The following HS6ST2 variants were observed in gnomAD, a reference collection of about 807,000 sequenced individuals.
HS6ST2 encodes the protein heparan sulfate 6-O-sulfotransferase 2, also known as heparan-sulfate 6-O-sulfotransferase 2.
Under a neutral mutation model 33.0 loss-of-function variants are expected in HS6ST2, and 17 were observed. The observed-to-expected ratio is 0.52, with a 90% CI of 0.35 to 0.77. HS6ST2 has a LOEUF of 0.77. HS6ST2 is among the 30% of genes least tolerant of loss of function. The pLI, the probability that HS6ST2 is intolerant of heterozygous loss-of-function variation, is 0.01. For synonymous variants in HS6ST2, 248 were observed against 237.1 expected (o/e 1.05, Z -0.42); for missense variants, 519 against 551.7 (o/e 0.94, Z 0.59).
At chrX:132,905,677 G>T (rs2066466341) in intron 2 of HS6ST2, among the ~76,000 whole-genome samples, 1 of 112,076 alleles carries the variant, frequency 8.9e-6, no homozygotes, top group African/African-American at 3.2e-5. Flanking sequence ...TACCTTGTCA[G>T]CTGAGGTGGG....
At chrX:132,793,491 A>G (rs2065140769) in intron 2 of HS6ST2, among the ~76,000 whole-genome samples, 1 of 111,542 alleles carries the variant, frequency 9.0e-6, no homozygotes, top group Non-Finnish European at 1.9e-5. Context: ...GTTTTCTTCT[A>G]ATGGTTCCCA....
chrX:132,813,592 A>G (rs2065369473), intron 2 of HS6ST2, among the ~76,000 whole-genome samples: 1 of 111,491 alleles, frequency 9.0e-6, no homozygotes, highest in South Asian at 3.8e-4. Flanking sequence ...TCAGTCCATC[A>G]GTTCAACCCA....
At chrX:132,811,059 C>T (rs2065337333) in intron 2 of HS6ST2, among the ~76,000 whole-genome samples, 1 of 112,604 alleles carries the variant, frequency 8.9e-6, no homozygotes, top group Non-Finnish European at 1.9e-5. Flanking sequence ...TTTTGTGAAT[C>T]CGCATTTTTA....
intron 2 of HS6ST2, among the ~76,000 whole-genome samples, chrX:132,932,493 A>G (rs1005882875): frequency 8.9e-6 from 1 of 111,914 alleles, no homozygotes; most frequent in African/African-American, 3.2e-5. Context: ...AAGTCCCAGA[A>G]TAAATAAGCA....
intron 2 of HS6ST2, among the ~76,000 whole-genome samples, chrX:132,898,611 G>C (rs1446914292): frequency 9.1e-6 from 1 of 110,096 alleles, no homozygotes; most frequent in African/African-American, 3.3e-5. Flanking sequence ...GTCAGTACAA[G>C]ATTGCTAGCC....
chrX:132,885,342 A>G (rs981651147), intron 2 of HS6ST2, among the ~76,000 whole-genome samples: 5 of 111,713 alleles, frequency 4.5e-5, no homozygotes, highest in African/African-American at 1.6e-4. Context: ...TGATTATACT[A>G]ACAGTCACAC....
chrX:132,754,723 T>C (rs1440788828), intron 2 of HS6ST2, among the ~76,000 whole-genome samples: 2 of 105,811 alleles, frequency 1.9e-5, no homozygotes, highest in Non-Finnish European at 3.9e-5. Flanking sequence ...GCCTGCACCC[T>C]TTTTTTTTGA....
intron 3 of HS6ST2, among the ~76,000 whole-genome samples, chrX:132,674,063 GC>G (rs2063906350): frequency 9.0e-6 from 1 of 111,453 alleles, no homozygotes; most frequent in Non-Finnish European, 1.9e-5. Flanking sequence ...TAGAGTCCTT[GC>G]CCCTTTAAGT....
At chrX:132,956,550 C>T (rs1480456353) in intron 2 of HS6ST2, among the ~76,000 whole-genome samples, 1 of 112,534 alleles carries the variant, frequency 8.9e-6, no homozygotes, top group African/African-American at 3.2e-5. Flanking sequence ...CGGCCGCCTC[C>T]CCCGCACGCT....
intron 2 of HS6ST2, among the ~76,000 whole-genome samples, chrX:132,734,913 C>T (rs1004696143): frequency 9.2e-6 from 1 of 108,127 alleles, no homozygotes; most frequent in African/African-American, 3.4e-5. Flanking sequence ...TGCAAAGATA[C>T]AGTATGTGAC....
intron 2 of HS6ST2, among the ~76,000 whole-genome samples, chrX:132,809,003 G>A (rs1194429429): frequency 9.0e-6 from 1 of 111,491 alleles, no homozygotes; most frequent in East Asian, 2.8e-4. Context: ...TTTGTTTTTT[G>A]AGATGGAGTC....
intron 4 of HS6ST2, among the ~76,000 whole-genome samples, chrX:132,657,792 A>C (rs1156507216): frequency 3.8e-5 from 4 of 105,034 alleles, no homozygotes; most frequent in Middle Eastern, 5.1e-3. Context: ...TAATGGCAAA[A>C]ACTGCAATTA....
At chrX:132,835,664 G>A (rs1368909184) in intron 2 of HS6ST2, among the ~76,000 whole-genome samples, 2 of 112,320 alleles carry the variant, frequency 1.8e-5, no homozygotes, top group Non-Finnish European at 3.8e-5. Flanking sequence ...CGCCTGTAAT[G>A]CCAGCACTTT....
intron 4 of HS6ST2, among the ~76,000 whole-genome samples, chrX:132,640,431 A>T (rs1314013947): frequency 9.0e-6 from 1 of 111,569 alleles, no homozygotes; most frequent in African/African-American, 3.3e-5. Context: ...AGCAAAACAC[A>T]CAGGAAACTA....
chrX:132,830,669 A>G (rs1409618056), intron 2 of HS6ST2, among the ~76,000 whole-genome samples: 1 of 111,925 alleles, frequency 8.9e-6, no homozygotes, highest in East Asian at 2.8e-4. Flanking sequence ...GAACAATTTC[A>G]TTTTTCCCCT....
At chrX:132,885,863 G>A (rs776564935) in intron 2 of HS6ST2, among the ~76,000 whole-genome samples, 2 of 111,535 alleles carry the variant, frequency 1.8e-5, no homozygotes, top group South Asian at 7.6e-4. Context: ...ACACGATGTG[G>A]GAGACATAAT....
chrX:132,715,764 G>A (rs1255363851), intron 2 of HS6ST2, among the ~76,000 whole-genome samples: 1 of 112,383 alleles, frequency 8.9e-6, no homozygotes, highest in Non-Finnish European at 1.9e-5. Flanking sequence ...CAAAAGATGG[G>A]GAAAACAACC....
intron 4 of HS6ST2, among the ~76,000 whole-genome samples, chrX:132,649,881 C>T (rs1014427265): frequency 1.8e-5 from 2 of 109,229 alleles, no homozygotes; most frequent in East Asian, 2.9e-4. Context: ...AACACAACTC[C>T]GAAGTAGGTG....
At chrX:132,708,299 TAAAAAAAAAAAAAAAAAA>T in intron 3 of HS6ST2, among the ~76,000 whole-genome samples, 145 bp downstream of exon 3, 1 of 21,212 alleles carries the variant, frequency 4.7e-5, no homozygotes, top group East Asian at 1.7e-3. Flanking sequence ...TGTTTTAAAC[TAAAAAAAAAAAAAAAAAA>T]AAAAAAAAAA....
Sources: gnomAD v4.1 joint callset for allele counts (sites outside exome capture counted in the v4.1 genomes callset) on GRCh38, gnomAD v4.1.1 for gene constraint, MANE v1.5 for transcripts, NCBI Gene and HGNC (gene_info 2026-07-23, HGNC 2026-07-21) for gene names.